IQCM: variants seen among roughly 807,000 people sequenced by gnomAD.
IQCM encodes the protein IQ domain-containing protein M.
A neutral mutation model predicts 57.6 loss-of-function variants in IQCM; 45 were observed. The observed-to-expected ratio is 0.78, with a 90% CI of 0.62 to 1.00. The LOEUF (loss-of-function observed/expected upper bound fraction) is 1.00. Ranked by LOEUF, IQCM falls within the 50% of genes least tolerant of loss-of-function variation. The pLI is 0.00. For synonymous variants in IQCM, 148 were observed against 158.9 expected (o/e 0.93, Z 0.51); for missense variants, 468 against 511.6 (o/e 0.91, Z 0.82).
chr4:149,502,494 C>G (rs1171285327), intron 12 of IQCM, among the ~76,000 whole-genome samples: 1 of 151,906 alleles, frequency 6.6e-6, no homozygotes, highest in African/African-American at 2.4e-5. Context: ...AGAGGGAGAC[C>G]CTGTCTCTGC....
intron 7 of IQCM, among the ~76,000 whole-genome samples, chr4:149,631,957 ACT>A (rs1213610002): frequency 6.6e-6 from 1 of 152,216 alleles, no homozygotes; most frequent in East Asian, 1.9e-4. Flanking sequence ...TTTGGCTCAA[ACT>A]CTACCCAGTT....
intron 11 of IQCM, among the ~76,000 whole-genome samples, chr4:149,551,093 C>T (rs1748983524): frequency 6.6e-6 from 1 of 152,184 alleles, no homozygotes; most frequent in Non-Finnish European, 1.5e-5. Flanking sequence ...GTCTATAAAG[C>T]TTGACATAAC....
At chr4:149,718,246 T>G (rs2149847166) in intron 5 of IQCM, among the ~76,000 whole-genome samples, 1 of 152,310 alleles carries the variant, frequency 6.6e-6, no homozygotes, top group African/African-American at 2.4e-5. Context: ...ATTCAAGTGG[T>G]TCCAAACTCA....
intron 7 of IQCM, among the ~76,000 whole-genome samples, chr4:149,641,724 G>A (rs1295575038): frequency 6.6e-6 from 1 of 152,008 alleles, no homozygotes; most frequent in Non-Finnish European, 1.5e-5. Context: ...TTATTTCCAT[G>A]GTTTGGTTTC....
intron 8 of IQCM, among the ~76,000 whole-genome samples, chr4:149,609,023 A>C (rs1359931195): frequency 6.6e-6 from 1 of 151,794 alleles, no homozygotes; most frequent in African/African-American, 2.4e-5. Context: ...CAAAGACAGA[A>C]GACCCAAATA....
chr4:149,572,022 C>A (rs1285319754), intron 9 of IQCM, among the ~76,000 whole-genome samples: 1 of 151,958 alleles, frequency 6.6e-6, no homozygotes, highest in Non-Finnish European at 1.5e-5. Context: ...CTCTAGAGCT[C>A]CCCTTCTTTA....
chr4:149,524,914 C>T (rs1382939236), intron 12 of IQCM, among the ~76,000 whole-genome samples: 2 of 151,436 alleles, frequency 1.3e-5, no homozygotes, highest in African/African-American at 4.8e-5. Context: ...TTTCCTAAAA[C>T]TAATATAAAC....
chr4:149,462,504 C>T (rs1738412341), intron 12 of IQCM, among the ~76,000 whole-genome samples: 1 of 152,154 alleles, frequency 6.6e-6, no homozygotes, highest in South Asian at 2.1e-4. Context: ...CTCATCTTTT[C>T]CCATCTCTAC....
intron 10 of IQCM, among the ~76,000 whole-genome samples, chr4:149,555,543 T>G (rs192725942): frequency 6.6e-6 from 1 of 152,340 alleles, no homozygotes; most frequent in Admixed American, 6.5e-5. Flanking sequence ...CAGGATTCAG[T>G]GTCTGCATCA....
At chr4:149,555,593 T>C (rs1273314018) in intron 10 of IQCM, among the ~76,000 whole-genome samples, 1 of 152,232 alleles carries the variant, frequency 6.6e-6, no homozygotes, top group Non-Finnish European at 1.5e-5. Flanking sequence ...TACTGGGAGC[T>C]ACCCAGCCTT....
intron 2 of IQCM, among the ~76,000 whole-genome samples, chr4:149,791,100 G>A (rs1309878107): frequency 6.6e-6 from 1 of 152,082 alleles, no homozygotes; most frequent in Non-Finnish European, 1.5e-5. Flanking sequence ...AATATAAAGT[G>A]CAAGTAATTT....
intron 7 of IQCM, among the ~76,000 whole-genome samples, chr4:149,630,887 T>C (rs974927993): frequency 6.6e-6 from 1 of 152,188 alleles, no homozygotes; most frequent in African/African-American, 2.4e-5. Context: ...ACTGCTACTC[T>C]TAGCAACATC....
intron 7 of IQCM, among the ~76,000 whole-genome samples, chr4:149,634,536 C>T (rs990097046): frequency 5.3e-5 from 8 of 152,174 alleles, no homozygotes; most frequent in Non-Finnish European, 7.4e-5. Flanking sequence ...CACAGCATTT[C>T]GTATGGTCAT....
At chr4:149,687,109 C>T (rs1172108912) in intron 5 of IQCM, among the ~76,000 whole-genome samples, 1 of 151,546 alleles carries the variant, frequency 6.6e-6, no homozygotes, top group Non-Finnish European at 1.5e-5. Context: ...CTATTGAGCA[C>T]CTTCTAGCTA....
intron 12 of IQCM, among the ~76,000 whole-genome samples, chr4:149,435,126 C>T (rs1411948265): frequency 1.3e-5 from 2 of 152,102 alleles, no homozygotes; most frequent in East Asian, 3.9e-4. Flanking sequence ...AGTTATTTTA[C>T]CCCTTAGTAG....
intron 2 of IQCM, among the ~76,000 whole-genome samples, chr4:149,772,716 T>G (rs1206406359): frequency 6.6e-6 from 1 of 152,230 alleles, no homozygotes; most frequent in African/African-American, 2.4e-5. Context: ...TCATTTTCTG[T>G]GCTGTCGTTC....
At chr4:149,668,180 A>G (rs1760907904) in intron 7 of IQCM, among the ~76,000 whole-genome samples, 1 of 152,160 alleles carries the variant, frequency 6.6e-6, no homozygotes, top group Non-Finnish European at 1.5e-5. Flanking sequence ...CCAGAGAGAA[A>G]GGTCGGGTTA....
intron 5 of IQCM, among the ~76,000 whole-genome samples, chr4:149,722,143 T>C (rs1765501329): frequency 6.6e-6 from 1 of 152,120 alleles, no homozygotes; most frequent in Admixed American, 6.6e-5. Flanking sequence ...TGGGATTATT[T>C]GGTCTTCTCC....
intron 7 of IQCM, among the ~76,000 whole-genome samples, chr4:149,636,712 G>A (rs1125052): frequency 0.44 from 66,306 of 151,990 alleles, 14,846 homozygotes; most frequent in South Asian, 0.57. Context: ...AGAGTTTCTA[G>A]TCGGTTAAAT....
Sources: gnomAD v4.1 joint callset for allele counts (sites outside exome capture counted in the v4.1 genomes callset) on GRCh38, gnomAD v4.1.1 for gene constraint, MANE v1.5 for transcripts, NCBI Gene and HGNC (gene_info 2026-07-23, HGNC 2026-07-21) for gene names.